Variants in GRM7 observed in about 807,000 individuals in gnomAD.
GRM7 encodes metabotropic glutamate receptor 7.
GRM7 carries 35 observed loss-of-function variants against 84.5 expected under a neutral mutation model. That is an observed-to-expected ratio of 0.41 (90% CI 0.32 to 0.55). The LOEUF is 0.55. Ranked by LOEUF, GRM7 falls within the 20% of genes least tolerant of loss-of-function variation. The pLI, the probability that GRM7 is intolerant of heterozygous loss-of-function variation, is 0.19. For missense variants in GRM7, 1,003 were observed against 1,194.6 expected, an observed-to-expected ratio of 0.84 and a Z score of 2.36; for synonymous variants, 487 against 455.1, an observed-to-expected ratio of 1.07 and a Z score of -0.89.
At chr3:7,099,838 T>A (rs1240430) in intron 1 of GRM7, among the ~76,000 whole-genome samples, 1 of 135,830 alleles carries the variant, frequency 7.4e-6, no homozygotes, top group Non-Finnish European at 1.6e-5. Context: ...CATGTATATG[T>A]ACACGCATTA....
intron 4 of GRM7, among the ~76,000 whole-genome samples, chr3:7,367,052 G>A (rs1693923203): frequency 6.6e-6 from 1 of 151,670 alleles, no homozygotes; most frequent in Non-Finnish European, 1.5e-5. Flanking sequence ...ATGGGTTACT[G>A]GTCTTCTCTG....
chr3:7,139,326 A>G (rs144801281), intron 1 of GRM7, among the ~76,000 whole-genome samples: 248 of 151,902 alleles, frequency 1.6e-3, no homozygotes, highest in African/African-American at 5.6e-3. Context: ...ATCTAGCATA[A>G]CACAGCAACA....
At position 7,379,420 on chromosome 3, in the gene GRM7, A is replaced by G. The variant is rs955006729; in HGVS notation, c.1034-35603A>G. On this transcript the variant is annotated intron_variant, in intron 4 of 9. Transcript: ENST00000357716. ...TTCTGTGAATTTTACAAGCGACATC[A>G]TAACCACCTCTAAAGATCAGAGATG... Among the ~76,000 whole-genome samples, 16 of 152,144 alleles carry G rather than the reference A, an allele frequency of 1.1e-4. 1 individual carries two copies. Among genetic ancestry groups the G allele is most frequent in the South Asian group, 6.2e-4 (3 of 4,838 alleles).
intron 2 of GRM7, among the ~76,000 whole-genome samples, chr3:7,218,785 T>C (rs1480491502): frequency 6.6e-6 from 1 of 151,696 alleles, no homozygotes; most frequent in East Asian, 1.9e-4. Flanking sequence ...TTTAATATTA[T>C]AGATATTGAT....
At chr3:7,010,253 C>T (rs1314218301) in intron 1 of GRM7, among the ~76,000 whole-genome samples, 2 of 152,088 alleles carry the variant, frequency 1.3e-5, no homozygotes, top group African/African-American at 4.8e-5. Context: ...GAGTTGGAAC[C>T]CAGCCTGGGC....
intron 5 of GRM7, among the ~76,000 whole-genome samples, chr3:7,431,913 T>C (rs144985440): frequency 0.013 from 1,762 of 137,358 alleles, 91 homozygotes; most frequent in Admixed American, 0.099. Context: ...TTTAAATACC[T>C]AGCAGGATGT....
At chr3:7,224,818 A>G (rs927425061) in intron 2 of GRM7, among the ~76,000 whole-genome samples, 7 of 151,946 alleles carry the variant, frequency 4.6e-5, no homozygotes, top group Non-Finnish European at 8.8e-5. Context: ...GAGGGGTGCA[A>G]GGTCATACCA....
At chr3:6,938,108 T>G (rs1284622789) in intron 1 of GRM7, among the ~76,000 whole-genome samples, 1 of 152,206 alleles carries the variant, frequency 6.6e-6, no homozygotes, top group African/African-American at 2.4e-5. Context: ...TTCAACTCCT[T>G]TAGGCCTTCA....
intron 4 of GRM7, among the ~76,000 whole-genome samples, chr3:7,413,528 G>A (rs1350147190): frequency 1.3e-5 from 2 of 152,182 alleles, no homozygotes; most frequent in Admixed American, 1.3e-4. Context: ...CTCTGCTTCT[G>A]CTGCTTTGAA....
rs116303561 is a variant in GRM7 at position 7,676,315 on chromosome 3, G to A, written c.2452-3734G>A. On this transcript the variant is annotated intron_variant, in intron 8 of 9. Coordinates refer to ENST00000357716, the MANE Select transcript of GRM7 (RefSeq NM_000844.4). The stretch of plus-strand genomic sequence containing the variant: ...TCCCTGCTAGGCTTAGTGGGAGCAG[G>A]TCCCTGGGGACCAATACCTCTGAGA... Among the ~76,000 whole-genome samples the A allele has an allele frequency of 5.8e-3, 876 of 152,140 alleles. 3 individuals carry two copies. Among genetic ancestry groups the A allele is most frequent in the Non-Finnish European group, 0.01 (712 of 67,998 alleles).
rs539733073 is a variant in GRM7 at position 6,945,317 on chromosome 3, G to T, written c.519+83410G>T. ...TATGAGTGAGAACATGCAATGTTTG[G>T]TTTTTTGTCCTTGTGATAGTTTGCT... On this transcript the variant is annotated intron_variant, in intron 1 of 9. Transcript: ENST00000357716. 1.6e-3 allele frequency among the ~76,000 whole-genome samples: 241 copies of T among 151,628 alleles called. 1 individual carries two copies. The highest frequency in any genetic ancestry group is 2.7e-3 in the Non-Finnish European group (183 of 67,938).
chr3:7,664,375 T>C (rs764130595), intron 8 of GRM7, among the ~76,000 whole-genome samples: 2 of 152,194 alleles, frequency 1.3e-5, no homozygotes, highest in African/African-American at 2.4e-5. Flanking sequence ...CATTCTGATA[T>C]GGGTATTTCA....
intron 1 of GRM7, among the ~76,000 whole-genome samples, chr3:6,926,895 A>C (rs923944764): frequency 1.2e-4 from 19 of 152,222 alleles, no homozygotes; most frequent in Non-Finnish European, 2.6e-4. Flanking sequence ...CAGATACCTG[A>C]TAATTTATTA....
chr3:7,108,862 T>G (rs1020321036), intron 1 of GRM7, among the ~76,000 whole-genome samples: 2 of 152,118 alleles, frequency 1.3e-5, no homozygotes, highest in Admixed American at 6.6e-5. Context: ...AGATAAAGTT[T>G]CCAATTTTCT....
At chr3:7,058,013 C>T (rs1697292490) in intron 1 of GRM7, among the ~76,000 whole-genome samples, 1 of 151,984 alleles carries the variant, frequency 6.6e-6, no homozygotes, top group African/African-American at 2.4e-5. Context: ...TCTCTCTTGA[C>T]CCAGTAAAAT....
At chr3:7,224,037 A>G (rs1426049826) in intron 2 of GRM7, among the ~76,000 whole-genome samples, 2 of 152,218 alleles carry the variant, frequency 1.3e-5, no homozygotes, top group Non-Finnish European at 2.9e-5. Flanking sequence ...CTTTCTTGCC[A>G]TTAATCATCC....
chr3:7,330,419 G>A (rs34579244), intron 4 of GRM7, among the ~76,000 whole-genome samples: 46,079 of 151,980 alleles, frequency 0.3, 7,380 homozygotes, highest in Non-Finnish European at 0.37. Context: ...CCTTGTAACA[G>A]CCATACAGGC....
At chr3:7,157,735 T>C (rs1429925100) in intron 2 of GRM7, among the ~76,000 whole-genome samples, 1 of 150,986 alleles carries the variant, frequency 6.6e-6, no homozygotes, top group East Asian at 1.9e-4. Flanking sequence ...TTTTTAACAA[T>C]CCCCAAATTC....
At chr3:7,097,399 A>G (rs1263186991) in intron 1 of GRM7, among the ~76,000 whole-genome samples, 1 of 152,160 alleles carries the variant, frequency 6.6e-6, no homozygotes, top group African/African-American at 2.4e-5. Context: ...ATTATTAAAA[A>G]GTAGGTGTAT....
Sources: allele counts gnomAD v4.1 joint callset (sites outside exome capture counted in the v4.1 genomes callset), GRCh38; gene constraint gnomAD v4.1.1; transcripts MANE v1.5; gene names NCBI Gene and HGNC (gene_info 2026-07-23, HGNC 2026-07-21).